The following JMJD1C variants were observed in gnomAD, a reference collection of about 807,000 sequenced individuals.
The protein encoded by JMJD1C is jumonji domain-containing protein 1C.
A neutral mutation model predicts 245.3 loss-of-function variants in JMJD1C; 31 were observed. The observed-to-expected ratio is 0.13, with a 90% CI of 0.09 to 0.17. The LOEUF (loss-of-function observed/expected upper bound fraction) is 0.17. Among genes scored for constraint, JMJD1C ranks in the 10% least tolerant of loss-of-function variants. The probability of loss-of-function intolerance (pLI) is 1.00; values close to 1 mark genes in which losing one functional copy is unlikely to be tolerated. For missense variants in JMJD1C, 2,691 were observed against 3,000.2 expected, an observed-to-expected ratio of 0.90 and a Z score of 2.41; for synonymous variants, 1,057 against 1,017.4, an observed-to-expected ratio of 1.04 and a Z score of -0.74.
At chr10:63,279,014 C>T (rs973196213) in intron 2 of JMJD1C, among the ~76,000 whole-genome samples, 6 of 152,146 alleles carry the variant, frequency 3.9e-5, no homozygotes, top group African/African-American at 1.4e-4. Flanking sequence ...CTTTGGGAGG[C>T]CGAGGCAGCT....
chr10:63,303,845 T>C (rs1860375181), intron 2 of JMJD1C, among the ~76,000 whole-genome samples: 1 of 152,198 alleles, frequency 6.6e-6, no homozygotes, highest in African/African-American at 2.4e-5. Context: ...GCTTGTTATC[T>C]TTGCCAAGCA....
At chr10:63,396,719 AT>A (rs1419797127) in intron 1 of JMJD1C, among the ~76,000 whole-genome samples, 4 of 152,084 alleles carry the variant, frequency 2.6e-5, no homozygotes, top group Non-Finnish European at 5.9e-5. Context: ...GAATATTTCT[AT>A]TTTGTAGAGA....
intron 1 of JMJD1C, among the ~76,000 whole-genome samples, chr10:63,487,850 C>T (rs1389382830): frequency 6.6e-6 from 1 of 152,124 alleles, no homozygotes; most frequent in African/African-American, 2.4e-5. Context: ...AGAGAAGAAA[C>T]TATCGTTTAC....
chr10:63,412,244 CA>C (rs1488709160), intron 1 of JMJD1C, among the ~76,000 whole-genome samples: 1 of 151,964 alleles, frequency 6.6e-6, no homozygotes, highest in African/African-American at 2.4e-5. Context: ...AGTCAATTAA[CA>C]AATATTTTGT....
At chr10:63,297,074 C>A (rs1472533534) in intron 2 of JMJD1C, among the ~76,000 whole-genome samples, 1 of 152,056 alleles carries the variant, frequency 6.6e-6, no homozygotes, top group Non-Finnish European at 1.5e-5. Context: ...ATCATCATAC[C>A]CAGGATCCTG....
intron 2 of JMJD1C, among the ~76,000 whole-genome samples, chr10:63,350,493 AACTC>A (rs1281212576): frequency 1.3e-5 from 2 of 152,208 alleles, no homozygotes; most frequent in African/African-American, 4.8e-5. Flanking sequence ...ACACATTTAA[AACTC>A]ACAACATTAC....
intron 1 of JMJD1C, among the ~76,000 whole-genome samples, chr10:63,385,353 A>G (rs932337974): frequency 6.6e-6 from 1 of 151,574 alleles, no homozygotes; most frequent in Middle Eastern, 3.2e-3. Context: ...AGATGGAAAA[A>G]TGAAACCGAC....
intron 1 of JMJD1C, among the ~76,000 whole-genome samples, chr10:63,457,686 A>C (rs552487928): frequency 1.3e-5 from 2 of 152,326 alleles, no homozygotes; most frequent in East Asian, 3.9e-4. Context: ...AGAATATATA[A>C]CATTACAGTT....
At chr10:63,485,571 A>G (rs1251486572) in intron 1 of JMJD1C, among the ~76,000 whole-genome samples, 1 of 152,228 alleles carries the variant, frequency 6.6e-6, no homozygotes, top group African/African-American at 2.4e-5. Flanking sequence ...CAAAATTAAC[A>G]AAGAGGTATT....
At chr10:63,521,219 G>C (rs565053283) in intron 1 of JMJD1C, 2 of 152,212 alleles carry the variant, frequency 1.3e-5, no homozygotes, top group Admixed American at 1.3e-4. Context: ...GATCCCGCCA[G>C]CCCAGCCCTG....
At chr10:63,442,311 A>G (rs1951438978) in intron 1 of JMJD1C, among the ~76,000 whole-genome samples, 1 of 152,194 alleles carries the variant, frequency 6.6e-6, no homozygotes, top group Admixed American at 6.5e-5. Flanking sequence ...AATCTAGGAT[A>G]CCAGAGAACT....
intron 2 of JMJD1C, among the ~76,000 whole-genome samples, chr10:63,314,040 T>C (rs374923720): frequency 5.3e-4 from 80 of 152,348 alleles, no homozygotes; most frequent in African/African-American, 1.9e-3. Context: ...TCCTCTAGAA[T>C]TGTTAGTTTC....
At chr10:63,508,879 C>T (rs1461877414) in intron 1 of JMJD1C, among the ~76,000 whole-genome samples, 1 of 152,148 alleles carries the variant, frequency 6.6e-6, no homozygotes. Context: ...CATCTGTGAA[C>T]AATGACAGTT....
At chr10:63,433,222 G>A (rs532362095) in intron 1 of JMJD1C, among the ~76,000 whole-genome samples, 26 of 151,584 alleles carry the variant, frequency 1.7e-4, no homozygotes, top group African/African-American at 5.1e-4. Context: ...TCAGCCTCCC[G>A]AGTAGCTGGG....
At chr10:63,315,423 A>G (rs1355356431) in intron 2 of JMJD1C, among the ~76,000 whole-genome samples, 1 of 152,102 alleles carries the variant, frequency 6.6e-6, no homozygotes, top group African/African-American at 2.4e-5. Context: ...ATCTATTGTA[A>G]CATTCCTTCT....
rs1356207394 is a variant in JMJD1C at position 63,464,873 on chromosome 10, A to G, written c.168+622T>C. ...AAGAGAGATTACCCTCCATACCAAA[A>G]TTTTTCACTTTTATCCTTTACGGTT... is the stretch of plus-strand genomic sequence containing the variant. On this transcript the variant is annotated intron_variant, in intron 1 of 25. Coordinates refer to ENST00000399262, the MANE Select transcript of JMJD1C (RefSeq NM_032776.3). Among the ~76,000 whole-genome samples, 6 of 152,206 alleles carry G rather than the reference A, an allele frequency of 3.9e-5. No individual in the cohort carries two copies. In the East Asian group the frequency reaches 1.2e-3, roughly 29 times the overall value.
At chr10:63,183,312 C>A in intron 22 of JMJD1C, 135 bp downstream of exon 22, 5 of 666,014 alleles carry the variant, frequency 7.5e-6, no homozygotes, top group Non-Finnish European at 9.8e-6. Flanking sequence ...GTAATAAGGG[C>A]TAAAATGCCC....
At chr10:63,204,347 T>C in intron 10 of JMJD1C, 1 of 985,426 alleles carries the variant, frequency 1.0e-6, no homozygotes, top group African/African-American at 1.7e-5. Context: ...GCACTCATTC[T>C]GGCCCTTTTC....
chr10:63,196,653 C>T (rs986694701), intron 13 of JMJD1C, among the ~76,000 whole-genome samples: 1 of 152,218 alleles, frequency 6.6e-6, no homozygotes, highest in African/African-American at 2.4e-5. Flanking sequence ...GACAGACAAT[C>T]TATACTAAGT....
Sources: allele counts gnomAD v4.1 joint callset (sites outside exome capture counted in the v4.1 genomes callset), GRCh38; gene constraint gnomAD v4.1.1; transcripts MANE v1.5; gene names NCBI Gene and HGNC (gene_info 2026-07-23, HGNC 2026-07-21).